The following ZNF160 variants were observed in gnomAD, a reference collection of about 807,000 sequenced individuals.
The protein encoded by ZNF160 is zinc finger protein 160.
ZNF160 carries 9 observed loss-of-function variants against 13.1 expected under a neutral mutation model. The observed-to-expected ratio is 0.69, with a 90% CI of 0.41 to 1.20. The LOEUF (loss-of-function observed/expected upper bound fraction) is 1.20. ZNF160 is among the 50% of genes most tolerant of loss of function. The pLI is 0.01. For synonymous variants in ZNF160, 293 were observed against 333.2 expected (o/e 0.88, Z 1.31); for missense variants, 838 against 988.0 (o/e 0.85, Z 2.04).
intron 3 of ZNF160, among the ~76,000 whole-genome samples, chr19:53,084,312 G>T (rs1249529588): frequency 6.6e-6 from 1 of 152,180 alleles, no homozygotes; most frequent in Non-Finnish European, 1.5e-5. Context: ...CCTTTTAAAA[G>T]CGCCTGCTTT....
chr19:53,098,547 G>A (rs921480277), intron 1 of ZNF160, among the ~76,000 whole-genome samples: 3 of 151,518 alleles, frequency 2.0e-5, no homozygotes, highest in Non-Finnish European at 2.9e-5. Context: ...TTGAGCTGGC[G>A]GAGGATGTCC....
chr19:53,089,112 G>A (rs1014913518), intron 2 of ZNF160, among the ~76,000 whole-genome samples: 4 of 152,206 alleles, frequency 2.6e-5, no homozygotes, highest in East Asian at 1.9e-4. Context: ...GAGGAGGGGG[G>A]TCAAGTGAAT....
intron 3 of ZNF160, chr19:53,086,024 C>CCATG: frequency 7.0e-7 from 1 of 1,424,244 alleles, no homozygotes; most frequent in South Asian, 1.2e-5. Flanking sequence ...CCGTCTCCAT[C>CCATG]CATGTCTGGG....
At chr19:53,095,576 T>C (rs16984438) in intron 1 of ZNF160, 14,561 of 152,192 alleles carry the variant, frequency 0.096, 1,126 homozygotes, top group African/African-American at 0.21. Context: ...CTCTTTTTAA[T>C]ACTCCCAGTT....
intron 2 of ZNF160, among the ~76,000 whole-genome samples, chr19:53,088,183 G>A (rs2095287569): frequency 6.6e-6 from 1 of 152,130 alleles, no homozygotes; most frequent in Non-Finnish European, 1.5e-5. Flanking sequence ...TTAACGGGGT[G>A]TCATAAAAGC....
Position 53,069,530 on chromosome 19 carries a change from T to A in ZNF160, c.1004A>T (p.His335Leu), listed in dbSNP as rs2084084251. Residue 335 changes from histidine to leucine, a missense_variant, in exon 6 of 6, where the codon CAT (histidine) becomes CTT (leucine). This residue lies in a region of ZNF160 where 387 missense variants were observed against 402.3 expected (regional missense o/e 0.96). Coordinates refer to ENST00000683776, the MANE Select transcript of ZNF160 (RefSeq NM_001322131.2). The surrounding 1 kb of genome is among the most constrained non-coding windows in gnomAD (Gnocchi z 4.4). The part of the protein sequence containing the change: ...NSYLATHRRI[H>L]TGEKPYKCNE... ...ACACTTGTAAGGTTTCTCTCCAGTA[T>A]GAATTCGCCGATGAGTTGCAAGGTA... The A allele has an allele frequency of 6.2e-7, 1 of 1,614,212 alleles. No homozygotes were observed. The highest frequency in any genetic ancestry group is 8.5e-7 in the Non-Finnish European group (1 of 1,180,040).
chr19:53,087,006 A>C (rs2084861542), intron 2 of ZNF160, among the ~76,000 whole-genome samples: 1 of 152,202 alleles, frequency 6.6e-6, no homozygotes. Context: ...GTGGGGGTGA[A>C]GGTGGGCCTG....
In ZNF160 at chr19:53,068,877, T is replaced by C. The variant is rs754505997; in HGVS notation, c.1657A>G (p.Arg553Gly). The C allele has an allele frequency of 6.2e-7, 1 of 1,613,854 alleles. No individual in the cohort carries two copies. The highest frequency in any genetic ancestry group is 8.5e-7 in the Non-Finnish European group (1 of 1,179,960). ...CCAGAATGAATTCCCCGATGACTTC[T>C]AAGGTGTGATTTTTGAGTGAAGCTC... ...GKSFTQKSHL[R>G]SHRGIHSGEK... The change falls in exon 6 of 6, where the codon AGA becomes GGA. Residue 553 changes from arginine to glycine, a missense_variant. Transcript: ENST00000683776.
intron 5 of ZNF160, chr19:53,073,416 C>T (rs1376313872): frequency 6.3e-7 from 1 of 1,598,416 alleles, no homozygotes; most frequent in East Asian, 2.2e-5. Context: ...GCCGAGGGAC[C>T]TCGACAGGCG....
At chr19:53,071,768 G>T (rs10422454) in intron 5 of ZNF160, among the ~76,000 whole-genome samples, 33 of 151,870 alleles carry the variant, frequency 2.2e-4, no homozygotes, top group African/African-American at 7.7e-4. Flanking sequence ...ATTTTTCCAC[G>T]CTGACCTCAC....
chr19:53,090,764 C>T (rs750237846), intron 2 of ZNF160, among the ~76,000 whole-genome samples: 1 of 152,174 alleles, frequency 6.6e-6, no homozygotes, highest in East Asian at 1.9e-4. Flanking sequence ...CGAGGACTCT[C>T]TTGCACCGGA....
intron 5 of ZNF160, chr19:53,073,224 C>T: frequency 6.9e-7 from 1 of 1,445,684 alleles, no homozygotes; most frequent in African/African-American, 1.4e-5. Flanking sequence ...ACATGCAGTA[C>T]TTGTATTTCT....
At chr19:53,070,372 T>A in intron 5 of ZNF160, 110 bp from the exon 6 acceptor site, 1 of 1,154,006 alleles carries the variant, frequency 8.7e-7, no homozygotes, top group Non-Finnish European at 1.2e-6. Flanking sequence ...GAACAGACTT[T>A]GGAACTTCAG....
chr19:53,098,867 C>A (rs1402854080), intron 1 of ZNF160, among the ~76,000 whole-genome samples: 1 of 150,948 alleles, frequency 6.6e-6, no homozygotes. Flanking sequence ...GACACAGGGT[C>A]TGCGGGGCTT....
intron 5 of ZNF160, among the ~76,000 whole-genome samples, chr19:53,070,991 A>AT (rs1200803139): frequency 6.6e-6 from 1 of 151,584 alleles, no homozygotes; most frequent in East Asian, 2.0e-4. Flanking sequence ...AGGTCAGGAG[A>AT]TTGAGTCCAG....
At chr19:53,078,101 A>G (rs541407966) in intron 3 of ZNF160, among the ~76,000 whole-genome samples, 3 of 152,110 alleles carry the variant, frequency 2.0e-5, no homozygotes, top group African/African-American at 7.2e-5. Context: ...TTAGCTGGGC[A>G]TGGTGGTGGG....
chr19:53,096,704 A>T (rs2085250922), intron 1 of ZNF160, among the ~76,000 whole-genome samples: 1 of 127,370 alleles, frequency 7.9e-6, no homozygotes, highest in South Asian at 2.5e-4. Flanking sequence ...AGAGCAGCAG[A>T]AAGGCAGGCA....
intron 1 of ZNF160, among the ~76,000 whole-genome samples, chr19:53,099,878 T>G (rs530363790): frequency 2.0e-5 from 3 of 152,190 alleles, no homozygotes; most frequent in South Asian, 4.1e-4. Flanking sequence ...AATTAGAAGA[T>G]GTATCTGACT....
chr19:53,101,423 A>AAAAT (rs145552001), intron 1 of ZNF160, among the ~76,000 whole-genome samples: 9 of 149,086 alleles, frequency 6.0e-5, no homozygotes, highest in African/African-American at 2.0e-4. Flanking sequence ...CCATTTTGAA[A>AAAAT]ATATATATAT....
Sources: allele counts gnomAD v4.1 joint callset (sites outside exome capture counted in the v4.1 genomes callset), GRCh38; gene constraint gnomAD v4.1.1; regional missense constraint gnomAD v4.1.1; non-coding constraint Gnocchi (gnomAD v3.1); transcripts MANE v1.5; gene names NCBI Gene and HGNC (gene_info 2026-07-23, HGNC 2026-07-21).